The following MAPK8 variants were observed in gnomAD, a reference collection of about 807,000 sequenced individuals.
MAPK8 encodes JUN N-terminal kinase.
Under a neutral mutation model 52.9 loss-of-function variants are expected in MAPK8, and 13 were observed. The ratio of observed to expected loss-of-function variants is 0.25; its 90% CI spans 0.16 to 0.39. The LOEUF (loss-of-function observed/expected upper bound fraction) is 0.39. Among genes scored for constraint, MAPK8 ranks in the 10% least tolerant of loss-of-function variants. The pLI is 1.00. For missense variants in MAPK8, 300 were observed against 519.2 expected, an observed-to-expected ratio of 0.58 and a Z score of 4.10; for synonymous variants, 191 against 169.8, an observed-to-expected ratio of 1.12 and a Z score of -0.97.
intron 5 of MAPK8, among the ~76,000 whole-genome samples, chr10:48,411,253 C>G (rs1459681387): frequency 1.3e-5 from 2 of 152,178 alleles, no homozygotes; most frequent in Admixed American, 1.3e-4. Context: ...GTTTAAGTCT[C>G]ACATGTAGGT....
intron 1 of MAPK8, among the ~76,000 whole-genome samples, chr10:48,356,121 G>A (rs750628488): frequency 1.6e-4 from 24 of 152,286 alleles, no homozygotes; most frequent in Non-Finnish European, 1.9e-4. Flanking sequence ...AGATCAAAAA[G>A]CATAAGAGTA....
intron 1 of MAPK8, among the ~76,000 whole-genome samples, chr10:48,383,015 C>A (rs2041105526): frequency 6.7e-6 from 1 of 150,084 alleles, no homozygotes; most frequent in South Asian, 2.1e-4. Flanking sequence ...CTATAGACCT[C>A]TTTCAAAGAA....
chr10:48,418,812 T>C (rs1422139899), intron 5 of MAPK8, among the ~76,000 whole-genome samples: 1 of 152,186 alleles, frequency 6.6e-6, no homozygotes, highest in African/African-American at 2.4e-5. Context: ...AACAAAAATA[T>C]CTGTCTTTAA....
intron 1 of MAPK8, among the ~76,000 whole-genome samples, chr10:48,381,853 C>T (rs1352062644): frequency 6.6e-6 from 1 of 152,108 alleles, no homozygotes; most frequent in African/African-American, 2.4e-5. Context: ...AATTTTGAAA[C>T]TGCAACACAG....
intron 10 of MAPK8, among the ~76,000 whole-genome samples, chr10:48,428,968 T>C (rs1036220230): frequency 2.6e-5 from 4 of 151,026 alleles, no homozygotes; most frequent in African/African-American, 9.7e-5. Flanking sequence ...ATCACAGGTG[T>C]GATCCACTGC....
At chr10:48,315,619 G>A (rs115288892) in intron 1 of MAPK8, among the ~76,000 whole-genome samples, 2,217 of 146,276 alleles carry the variant, frequency 0.015, 60 homozygotes, top group African/African-American at 0.052. Flanking sequence ...TTTTTTGCTG[G>A]AAATGGCATC....
intron 1 of MAPK8, among the ~76,000 whole-genome samples, chr10:48,316,841 G>A (rs1207776461): frequency 6.6e-6 from 1 of 152,092 alleles, no homozygotes; most frequent in Non-Finnish European, 1.5e-5. Flanking sequence ...AAAAAGCTAA[G>A]GCAGTTTTCT....
In MAPK8 at chr10:48,435,059, T is replaced by TTGTTTG; in HGVS notation, c.*30_*31insTGTTTG. The TTGTTTG allele has an allele frequency of 8.9e-6, 4 of 448,002 alleles. No individual in the cohort carries two copies. The highest frequency in any genetic ancestry group is 2.2e-5 in the African/African-American group (1 of 46,434). 27.8% of individuals were successfully genotyped at this position (448,002 alleles called of 1,614,324 possible). On this transcript the variant is annotated 3_prime_UTR_variant, in exon 12 of 12. Transcript: ENST00000374189. ...TTGGGCCATCGGGGGGTGGGAGGGATGGGGAGTCGGTTAGTCATTGATAGA... is the reference window on the plus strand; with the variant it reads ...TTGGGCCATCGGGGGGTGGGAGGGATTGTTTGGGGGAGTCGGTTAGTCATTGATAGA...
At position 48,435,055 on chromosome 10, in the gene MAPK8, GGGA is replaced by G; in HGVS notation, c.*27_*29del. The G allele has an allele frequency of 7.3e-6, 10 of 1,375,570 alleles. No individual in the cohort carries two copies. Among genetic ancestry groups the G allele is most frequent in the Non-Finnish European group, 8.9e-6 (9 of 1,008,444 alleles). 85.2% of individuals were successfully genotyped at this position (1,375,570 alleles called of 1,614,324 possible). A position where few individuals can be genotyped will look rare whatever the true frequency, so the allele number is the denominator to read the frequency against. Reference sequence around the variant, plus strand: ...CTACTTGGGCCATCGGGGGGTGGGAGGGATGGGGAGTCGGTTAGTCATTGATAG... The same window carrying G: ...CTACTTGGGCCATCGGGGGGTGGGAGTGGGGAGTCGGTTAGTCATTGATAG... On this transcript the variant is annotated 3_prime_UTR_variant, in exon 12 of 12. Transcript: ENST00000374189.
At chr10:48,367,460 T>A (rs74130256) in intron 1 of MAPK8, among the ~76,000 whole-genome samples, 47 of 151,860 alleles carry the variant, frequency 3.1e-4, no homozygotes, top group African/African-American at 1.1e-3. Flanking sequence ...AAGGATGTCA[T>A]TAACCAAAAC....
intron 1 of MAPK8, among the ~76,000 whole-genome samples, chr10:48,401,295 C>T (rs183821213): frequency 2.3e-4 from 35 of 152,186 alleles, no homozygotes; most frequent in Middle Eastern, 3.4e-3. Flanking sequence ...TGTGGAGTGA[C>T]GTAAAAACAT....
rs1844618242 is a variant in MAPK8 at position 48,335,679 on chromosome 10, T to G, written c.-50+28858T>G. Among the ~76,000 whole-genome samples the G allele has an allele frequency of 2.0e-5, 3 of 152,276 alleles. No homozygotes were observed. The South Asian group carries it at 6.2e-4, about 32-fold the overall frequency. On this transcript the variant is annotated intron_variant, in intron 1 of 11. Transcript: ENST00000374189. Reference sequence around the variant, plus strand: ...GTGTGTCATTCTTTCAAGTAAAAATTGTATTATTTAAAAACATGTCTCACA... The same window carrying G: ...GTGTGTCATTCTTTCAAGTAAAAATGGTATTATTTAAAAACATGTCTCACA...
intron 1 of MAPK8, among the ~76,000 whole-genome samples, chr10:48,361,539 A>C (rs2132533053): frequency 6.6e-6 from 1 of 152,312 alleles, no homozygotes; most frequent in South Asian, 2.1e-4. Flanking sequence ...TTTCAGAATA[A>C]TACTTATACT....
intron 1 of MAPK8, among the ~76,000 whole-genome samples, chr10:48,349,096 C>T (rs1221826306): frequency 6.6e-6 from 1 of 152,136 alleles, no homozygotes; most frequent in Non-Finnish European, 1.5e-5. Flanking sequence ...AATATATATG[C>T]ACCCAATACA....
chr10:48,310,169 T>C (rs1165106381), intron 1 of MAPK8, among the ~76,000 whole-genome samples: 1 of 152,192 alleles, frequency 6.6e-6, no homozygotes, highest in African/African-American at 2.4e-5. Context: ...CTGGACTTTG[T>C]CATCAAATTC....
In MAPK8 at chr10:48,426,113, G is replaced by A. The variant is rs111742560; in HGVS notation, c.871+43G>A. 114 of 1,519,382 alleles carry A rather than the reference G, an allele frequency of 7.5e-5. 1 individual carries two copies. The South Asian group carries it at 1.4e-3, about 18-fold the overall frequency. The allele number at this position is 1,519,382 out of a possible 1,614,324, so 94.1% of individuals were successfully genotyped here. ...GTACATTTAATCCCATTTGGGGTGTGTAGTGTGTGTGTATGGGTTTGTGTG... is the reference window on the plus strand; with the variant it reads ...GTACATTTAATCCCATTTGGGGTGTATAGTGTGTGTGTATGGGTTTGTGTG... On this transcript the variant is annotated intron_variant, in intron 8 of 11. Transcript: ENST00000374189.
At chr10:48,427,401 T>A (rs748197838) in intron 10 of MAPK8, 80 of 360,476 alleles carry the variant, frequency 2.2e-4, no homozygotes, top group Non-Finnish European at 3.3e-4. Context: ...AATACACAAA[T>A]GTGTTTAGTG....
chr10:48,434,041 A>G (rs1027737333), intron 11 of MAPK8, among the ~76,000 whole-genome samples: 1 of 152,218 alleles, frequency 6.6e-6, no homozygotes, highest in Non-Finnish European at 1.5e-5. Context: ...ATCCCCCAGC[A>G]TAAGTCATTC....
At chr10:48,374,799 T>A (rs965317412) in intron 1 of MAPK8, among the ~76,000 whole-genome samples, 1 of 152,192 alleles carries the variant, frequency 6.6e-6, no homozygotes, top group Non-Finnish European at 1.5e-5. Flanking sequence ...AGTTGAATTC[T>A]ACCAGAGGTA....
Sources: allele counts gnomAD v4.1 joint callset (sites outside exome capture counted in the v4.1 genomes callset), GRCh38; gene constraint gnomAD v4.1.1; transcripts MANE v1.5; gene names NCBI Gene and HGNC (gene_info 2026-07-23, HGNC 2026-07-21).